The following AGAP1 variants were observed in gnomAD, a reference collection of about 807,000 sequenced individuals.
AGAP1 encodes the protein arf-GAP with GTPase, ANK repeat and PH domain-containing protein 1.
A neutral mutation model predicts 105.3 loss-of-function variants in AGAP1; 29 were observed. The observed-to-expected ratio is 0.28, with a 90% CI of 0.21 to 0.38. The LOEUF (loss-of-function observed/expected upper bound fraction) is 0.38. AGAP1 is among the 10% of genes least tolerant of loss of function. AGAP1 has a pLI of 1.00. For missense variants in AGAP1, 998 were observed against 1,165.1 expected, an observed-to-expected ratio of 0.86 and a Z score of 2.09; for synonymous variants, 509 against 485.9, an observed-to-expected ratio of 1.05 and a Z score of -0.63.
chr2:235,790,943 G>A (rs1180862536), intron 6 of AGAP1, among the ~76,000 whole-genome samples: 1 of 152,208 alleles, frequency 6.6e-6, no homozygotes, highest in Non-Finnish European at 1.5e-5. Flanking sequence ...GCTATGCCAT[G>A]GGTCCCATGG....
chr2:235,666,308 C>G (rs1324434058), intron 1 of AGAP1, among the ~76,000 whole-genome samples: 1 of 152,064 alleles, frequency 6.6e-6, no homozygotes, highest in African/African-American at 2.4e-5. Flanking sequence ...AAGCATAATG[C>G]CACCTGAACA....
rs943172294 is a variant in AGAP1 at position 236,020,496 on chromosome 2, G to A, written c.1646-16065G>A. Among the ~76,000 whole-genome samples, 6 of 152,218 alleles carry A rather than the reference G, an allele frequency of 3.9e-5. No homozygotes were observed. Among genetic ancestry groups the A allele is most frequent in the African/African-American group, 9.6e-5 (4 of 41,456 alleles). Reference sequence around the variant, plus strand: ...AGAAATTTGGCTAAAAGCGTGAGCTGTGGAGTCACACACGCCTGGGTCTCA... The same window carrying A: ...AGAAATTTGGCTAAAAGCGTGAGCTATGGAGTCACACACGCCTGGGTCTCA... On this transcript the variant is annotated intron_variant, in intron 13 of 17. Coordinates refer to ENST00000304032, the MANE Select transcript of AGAP1 (RefSeq NM_001037131.3). The surrounding 1 kb of genome is among the most constrained non-coding windows in gnomAD (Gnocchi z 5.0).
rs774329337 is a variant in AGAP1 at position 235,622,454 on chromosome 2, C to T, written c.164-86725C>T. On this transcript the variant is annotated intron_variant, in intron 1 of 17. Coordinates refer to ENST00000304032, the MANE Select transcript of AGAP1 (RefSeq NM_001037131.3). This position sits in a 1 kb window ranked among gnomAD's most constrained non-coding sequence, Gnocchi z 5.0. ...TGATGAATGGATCTAGACCTGGTGC[C>T]TGGACTCAATCTGCAGAGACAGGTG... Among the ~76,000 whole-genome samples, 1 of 152,192 alleles carries T rather than the reference C, an allele frequency of 6.6e-6. No homozygotes were observed. Among genetic ancestry groups the T allele is most frequent in the Non-Finnish European group, 1.5e-5 (1 of 68,040 alleles).
Position 236,001,429 on chromosome 2 carries a change from C to T in AGAP1, c.1645+32806C>T, listed in dbSNP as rs557165999. ...GCTGGGGAAGGTGTGTGGCTACTAA[C>T]GTGAGCCTGTTAACGTTGAAAATTT... On this transcript the variant is annotated intron_variant, in intron 13 of 17. Coordinates refer to ENST00000304032, the MANE Select transcript of AGAP1 (RefSeq NM_001037131.3). The surrounding 1 kb of genome is among the most constrained non-coding windows in gnomAD (Gnocchi z 4.7). Among the ~76,000 whole-genome samples the T allele has an allele frequency of 3.6e-4, 55 of 152,320 alleles. No individual in the cohort carries two copies. The highest frequency in any genetic ancestry group is 1.1e-3 in the African/African-American group (46 of 41,588).
At chr2:236,063,743 C>G (rs914548293) in intron 16 of AGAP1, among the ~76,000 whole-genome samples, 1 of 152,188 alleles carries the variant, frequency 6.6e-6, no homozygotes, top group Non-Finnish European at 1.5e-5. Flanking sequence ...CCACTCCTGG[C>G]TGCAGAGATC....
rs369524276 is a variant in AGAP1 at position 236,129,471 on chromosome 2, C to G, written c.*5349C>G. On this transcript the variant is annotated 3_prime_UTR_variant, in exon 18 of 18. Transcript: ENST00000304032. The surrounding 1 kb of genome is among the most constrained non-coding windows in gnomAD (Gnocchi z 6.2). ...ACTAAGAAACAGTCCTCAGACTGGT[C>G]CTTCCGACACAGGCAGAGAGTGAAC... is the stretch of plus-strand genomic sequence containing the variant. 2.0e-5 allele frequency: 3 copies of G among 152,262 alleles called. No individual in the cohort carries two copies. The highest frequency in any genetic ancestry group is 7.2e-5 in the African/African-American group (3 of 41,468). The allele number at this position is 152,262 out of a possible 1,614,324, so 9.4% of individuals were successfully genotyped here. A position where few individuals can be genotyped will look rare whatever the true frequency, so the allele number is the denominator to read the frequency against.
chr2:235,577,167 TAAAAG>T lies in AGAP1; in HGVS notation c.163+82322_163+82326del, dbSNP rs1217065646. ...TTTCTACTAGCTACATTAGAAAAAA[TAAAAG>T]AAACAGATGAAATTAATTTTAATAA... On this transcript the variant is annotated intron_variant, in intron 1 of 17. Coordinates refer to ENST00000304032, the MANE Select transcript of AGAP1 (RefSeq NM_001037131.3). This position sits in a 1 kb window ranked among gnomAD's most constrained non-coding sequence, Gnocchi z 4.5. Among the ~76,000 whole-genome samples, 8 of 152,238 alleles carry T rather than the reference TAAAAG, an allele frequency of 5.3e-5. No homozygotes were observed. The East Asian group carries it at 5.8e-4, about 11-fold the overall frequency.
At chr2:235,727,950 G>A (rs1038566479) in intron 3 of AGAP1, among the ~76,000 whole-genome samples, 3 of 152,146 alleles carry the variant, frequency 2.0e-5, no homozygotes, top group Admixed American at 6.5e-5. Flanking sequence ...AGAGAAGGCC[G>A]GGAATGAAAT....
intron 1 of AGAP1, among the ~76,000 whole-genome samples, chr2:235,671,940 A>T (rs1394876590): frequency 6.6e-6 from 1 of 151,856 alleles, no homozygotes; most frequent in Non-Finnish European, 1.5e-5. Context: ...CCTGAGGGGG[A>T]TTCTGGGGGT....
chr2:235,605,601 A>G (rs890689984), intron 1 of AGAP1, among the ~76,000 whole-genome samples: 2 of 152,196 alleles, frequency 1.3e-5, no homozygotes, highest in African/African-American at 4.8e-5. Context: ...AAGACACCCT[A>G]AGGGAGACCA....
chr2:235,775,991 T>C (rs1176568082), intron 6 of AGAP1, among the ~76,000 whole-genome samples: 1 of 152,202 alleles, frequency 6.6e-6, no homozygotes, highest in African/African-American at 2.4e-5. Flanking sequence ...TTGAAGGTTT[T>C]CCTAAGATAT....
At chr2:235,805,935 G>A (rs1356065879) in intron 8 of AGAP1, among the ~76,000 whole-genome samples, 1 of 152,186 alleles carries the variant, frequency 6.6e-6, no homozygotes, top group Non-Finnish European at 1.5e-5. Context: ...TGAGAAGCAT[G>A]TTTCCTAATG....
intron 6 of AGAP1, among the ~76,000 whole-genome samples, chr2:235,759,164 C>CTTTTTT (rs560528348): frequency 3.7e-4 from 39 of 104,100 alleles, no homozygotes; most frequent in African/African-American, 1.2e-3. Flanking sequence ...TGATGTCATT[C>CTTTTTT]TTTTTTTTTT....
intron 13 of AGAP1, among the ~76,000 whole-genome samples, chr2:236,015,667 G>A (rs1020386226): frequency 1.3e-4 from 20 of 152,114 alleles, no homozygotes; most frequent in African/African-American, 4.8e-4. Flanking sequence ...GGCATCGGGC[G>A]TGTGATGCAA....
intron 1 of AGAP1, among the ~76,000 whole-genome samples, chr2:235,560,483 C>T (rs572496161): frequency 2.0e-5 from 3 of 152,050 alleles, no homozygotes; most frequent in Non-Finnish European, 2.9e-5. Context: ...AGGGACTTTA[C>T]GGATGTGATT....
At chr2:235,917,673 C>T (rs1342422485) in intron 11 of AGAP1, among the ~76,000 whole-genome samples, 1 of 152,160 alleles carries the variant, frequency 6.6e-6, no homozygotes, top group African/African-American at 2.4e-5. Context: ...GCACCGGCGG[C>T]TCTGTTGCTG....
intron 1 of AGAP1, among the ~76,000 whole-genome samples, chr2:235,501,410 C>T (rs1306559642): frequency 6.6e-6 from 1 of 152,118 alleles, no homozygotes; most frequent in Non-Finnish European, 1.5e-5. Flanking sequence ...GCAGATGACA[C>T]ATTTTGTTAC....
intron 1 of AGAP1, among the ~76,000 whole-genome samples, chr2:235,536,375 A>AC (rs1559231283): frequency 3.7e-4 from 17 of 45,824 alleles, no homozygotes; most frequent in East Asian, 9.3e-4. Context: ...ACACACACAC[A>AC]GCAGGACCCC....
intron 1 of AGAP1, among the ~76,000 whole-genome samples, chr2:235,573,054 C>CTT (rs753415836): frequency 4.5e-5 from 1 of 22,190 alleles, no homozygotes; most frequent in Non-Finnish European, 7.6e-5. Context: ...TCTTCTTCTT[C>CTT]TTCTTCTTTC....
Sources: allele counts gnomAD v4.1 joint callset (sites outside exome capture counted in the v4.1 genomes callset), GRCh38; gene constraint gnomAD v4.1.1; non-coding constraint Gnocchi (gnomAD v3.1); transcripts MANE v1.5; gene names NCBI Gene and HGNC (gene_info 2026-07-23, HGNC 2026-07-21).